The following PDZRN4 variants were observed in gnomAD, a reference collection of about 807,000 sequenced individuals.
PDZRN4 encodes the protein PDZ domain containing ring finger 4.
PDZRN4 carries 70 observed loss-of-function variants against 99.0 expected under a neutral mutation model. The ratio of observed to expected loss-of-function variants is 0.71; its 90% CI spans 0.58 to 0.86. The LOEUF (loss-of-function observed/expected upper bound fraction) is 0.86, where lower values mean the gene tolerates loss of function less well. Among genes scored for constraint, PDZRN4 ranks in the 40% least tolerant of loss-of-function variants. The probability of loss-of-function intolerance (pLI) is 0.00; values close to 1 mark genes in which losing one functional copy is unlikely to be tolerated. For synonymous variants in PDZRN4, 551 were observed against 501.6 expected, an observed-to-expected ratio of 1.10 and a Z score of -1.32; for missense variants, 1,474 against 1,331.2, an observed-to-expected ratio of 1.11 and a Z score of -1.67.
chr12:41,344,169 G>C (rs990816810), intron 3 of PDZRN4, among the ~76,000 whole-genome samples: 5 of 152,074 alleles, frequency 3.3e-5, no homozygotes, highest in African/African-American at 9.7e-5. Context: ...AGCAGACAGA[G>C]TTCAATGAGG....
At chr12:41,233,926 A>G (rs1951048035) in intron 3 of PDZRN4, among the ~76,000 whole-genome samples, 1 of 151,994 alleles carries the variant, frequency 6.6e-6, no homozygotes, top group African/African-American at 2.4e-5. Context: ...GTACCCTAAA[A>G]CTTAAAGTAT....
At chr12:41,562,573 T>C (rs1360020049) in intron 7 of PDZRN4, among the ~76,000 whole-genome samples, 1 of 152,032 alleles carries the variant, frequency 6.6e-6, no homozygotes, top group Non-Finnish European at 1.5e-5. Context: ...TAATTATAAA[T>C]CAAAAATCTT....
At chr12:41,469,793 G>A (rs368167938) in intron 3 of PDZRN4, among the ~76,000 whole-genome samples, 1 of 152,122 alleles carries the variant, frequency 6.6e-6, no homozygotes, top group Non-Finnish European at 1.5e-5. Flanking sequence ...AGCCGGGCGT[G>A]GTGGCGGGCA....
intron 3 of PDZRN4, among the ~76,000 whole-genome samples, chr12:41,224,326 A>G (rs1410146064): frequency 1.3e-5 from 2 of 152,166 alleles, no homozygotes; most frequent in Non-Finnish European, 2.9e-5. Flanking sequence ...CTCTTAACCA[A>G]TGGCCAGCTA....
chr12:41,485,364 A>C (rs1592079924), intron 3 of PDZRN4, among the ~76,000 whole-genome samples: 1 of 152,256 alleles, frequency 6.6e-6, no homozygotes, highest in Admixed American at 6.5e-5. Flanking sequence ...GAATTTAGAG[A>C]CTAGCTATTC....
chr12:41,215,505 TAAAC>T (rs1332944615), intron 3 of PDZRN4, among the ~76,000 whole-genome samples: 1 of 152,008 alleles, frequency 6.6e-6, no homozygotes, highest in Non-Finnish European at 1.5e-5. Context: ...AAGTTTATAA[TAAAC>T]AAAAAGTATA....
At chr12:41,336,492 C>A (rs760394143) in intron 3 of PDZRN4, among the ~76,000 whole-genome samples, 1 of 133,204 alleles carries the variant, frequency 7.5e-6, no homozygotes, top group Non-Finnish European at 1.7e-5. Flanking sequence ...AGTAGCCATG[C>A]AACTGATGTG....
At chr12:41,526,536 T>A (rs1488471917) in intron 5 of PDZRN4, among the ~76,000 whole-genome samples, 1 of 152,196 alleles carries the variant, frequency 6.6e-6, no homozygotes, top group Non-Finnish European at 1.5e-5. Flanking sequence ...ATGTGGAGCA[T>A]AAGGAAAGTC....
intron 2 of PDZRN4, 123 bp from the exon 3 acceptor site, chr12:41,193,958 A>C: frequency 1.6e-6 from 1 of 608,576 alleles, no homozygotes; most frequent in Non-Finnish European, 2.9e-6. Flanking sequence ...TTCTGTTCCA[A>C]ATCCCCAGCT....
At chr12:41,509,606 C>G (rs995046661) in intron 4 of PDZRN4, 1 of 385,298 alleles carries the variant, frequency 2.6e-6, no homozygotes. Flanking sequence ...TCCTAGCATT[C>G]TCTCAGAAAT....
At chr12:41,448,768 C>A (rs1465686417) in intron 3 of PDZRN4, among the ~76,000 whole-genome samples, 3 of 152,072 alleles carry the variant, frequency 2.0e-5, no homozygotes, top group Non-Finnish European at 2.9e-5. Context: ...TTATGAGGTT[C>A]ATCATCAAAT....
intron 3 of PDZRN4, among the ~76,000 whole-genome samples, chr12:41,197,926 T>TTTTTTTTTTTTTTTTTTC (rs1566352706): frequency 2.8e-5 from 4 of 140,860 alleles, no homozygotes; most frequent in African/African-American, 1.1e-4. Context: ...CTGGGTTTTT[T>TTTTTTTTTTTTTTTTTTC]TTTTTGGAGA....
At chr12:41,571,368 TCTCTCTCTCACACACACACA>T (rs1221338296) in intron 9 of PDZRN4, among the ~76,000 whole-genome samples, 48 of 96,932 alleles carry the variant, frequency 5.0e-4, no homozygotes, top group African/African-American at 2.5e-3. Flanking sequence ...TCTCTCTCTC[TCTCTCTCTCACACACACACA>T]CACACACACA....
At chr12:41,396,590 A>C (rs948570802) in intron 3 of PDZRN4, among the ~76,000 whole-genome samples, 7 of 152,182 alleles carry the variant, frequency 4.6e-5, no homozygotes, top group African/African-American at 1.7e-4. Context: ...TTCAGGCTCA[A>C]CGTCTCTTGT....
chr12:41,519,025 G>A (rs1938449364), intron 5 of PDZRN4, among the ~76,000 whole-genome samples: 2 of 151,914 alleles, frequency 1.3e-5, no homozygotes, highest in South Asian at 4.2e-4. Context: ...CATAGTAAAT[G>A]GGCTTAACAT....
At chr12:41,401,651 C>T (rs1952289569) in intron 3 of PDZRN4, among the ~76,000 whole-genome samples, 1 of 152,118 alleles carries the variant, frequency 6.6e-6, no homozygotes, top group African/African-American at 2.4e-5. Flanking sequence ...CATACTTTAT[C>T]TACCTTGTTA....
chr12:41,491,603 C>T (rs1937887740), intron 3 of PDZRN4, among the ~76,000 whole-genome samples: 1 of 152,052 alleles, frequency 6.6e-6, no homozygotes, highest in South Asian at 2.1e-4. Context: ...TTTGCCTGTG[C>T]CTTCATAGAT....
intron 3 of PDZRN4, among the ~76,000 whole-genome samples, chr12:41,259,391 T>C (rs1918239): frequency 0.73 from 110,972 of 151,980 alleles, 40,771 homozygotes; most frequent in East Asian, 0.86. Context: ...GCTTACGTAT[T>C]TGCTCACACA....
chr12:41,378,577 C>T (rs1434417194), intron 3 of PDZRN4, among the ~76,000 whole-genome samples: 5 of 127,422 alleles, frequency 3.9e-5, no homozygotes, highest in Non-Finnish European at 6.3e-5. Context: ...GACTGGAGTA[C>T]AATGGCATGA....
Sources: allele counts gnomAD v4.1 joint callset (sites outside exome capture counted in the v4.1 genomes callset), GRCh38; gene constraint gnomAD v4.1.1; transcripts MANE v1.5; gene names NCBI Gene and HGNC (gene_info 2026-07-23, HGNC 2026-07-21).